Variants in DSCAML1 observed in about 807,000 individuals in gnomAD.
DSCAML1 encodes the protein DS cell adhesion molecule like 1.
DSCAML1 carries 38 observed loss-of-function variants against 200.5 expected under a neutral mutation model. That is an observed-to-expected ratio of 0.19 (90% CI 0.15 to 0.25). The LOEUF (loss-of-function observed/expected upper bound fraction) is 0.25, where lower values mean the gene tolerates loss of function less well. Ranked by LOEUF, DSCAML1 falls within the 10% of genes least tolerant of loss-of-function variation. The probability of loss-of-function intolerance (pLI) is 1.00; values close to 1 mark genes in which losing one functional copy is unlikely to be tolerated. For missense variants in DSCAML1, 2,223 were observed against 2,858.8 expected (o/e 0.78, Z 5.07); for synonymous variants, 1,215 against 1,165.0 (o/e 1.04, Z -0.87).
intron 3 of DSCAML1, among the ~76,000 whole-genome samples, chr11:117,755,044 G>C (rs145334371): frequency 2.6e-4 from 39 of 152,244 alleles, no homozygotes; most frequent in African/African-American, 7.2e-4. Flanking sequence ...TGTTCTGCTT[G>C]TGCTGAGAGG....
At chr11:117,804,483 A>G (rs2134086191) in intron 1 of DSCAML1, among the ~76,000 whole-genome samples, 1 of 152,322 alleles carries the variant, frequency 6.6e-6, no homozygotes, top group East Asian at 1.9e-4. Flanking sequence ...AGATGTGCCC[A>G]ATCTGGACAA....
rs1459022861 is a variant in DSCAML1 at position 117,437,631 on chromosome 11, C to T, written c.4433-222G>A. ...AAGGGCAGGGCCTGGAGAGGGGCCT[C>T]AGTAGAGGAGGAAGGGAGCTGGGAA... On this transcript the variant is annotated intron_variant, in intron 25 of 32. Coordinates refer to ENST00000651296, the MANE Select transcript of DSCAML1 (RefSeq NM_020693.4). This position sits in a 1 kb window ranked among gnomAD's most constrained non-coding sequence, Gnocchi z 5.3. Among the ~76,000 whole-genome samples, 1 of 152,072 alleles carries T rather than the reference C, an allele frequency of 6.6e-6. No individual in the cohort carries two copies. Among genetic ancestry groups the T allele is most frequent in the Admixed American group, 6.5e-5 (1 of 15,278 alleles).
rs2049439386 is a variant in DSCAML1, at chr11:117,503,712, C to G, written c.2359+133G>C. ...CCATCCAAGGGTCCCAAGGCCACCT[C>G]TCACTAGGAAGCCTTCCTGCCTCCC... On this transcript the variant is annotated intron_variant, in intron 11 of 32. Transcript: ENST00000651296. This position sits in a 1 kb window ranked among gnomAD's most constrained non-coding sequence, Gnocchi z 5.2. 9.2e-7 allele frequency: 1 copy of G among 1,082,304 alleles called. No individual in the cohort carries two copies. The highest frequency in any genetic ancestry group is 1.3e-6 in the Non-Finnish European group (1 of 770,480). 67.0% of individuals were successfully genotyped at this position (1,082,304 alleles called of 1,614,324 possible). A position where few individuals can be genotyped will look rare whatever the true frequency, so the allele number is the denominator to read the frequency against.
At chr11:117,690,731 A>G (rs1169236049) in intron 3 of DSCAML1, among the ~76,000 whole-genome samples, 1 of 152,202 alleles carries the variant, frequency 6.6e-6, no homozygotes, top group Admixed American at 6.5e-5. Context: ...GGCAGGTCAC[A>G]CTTATTCTTG....
At chr11:117,705,109 T>C (rs965536135) in intron 3 of DSCAML1, among the ~76,000 whole-genome samples, 1 of 152,146 alleles carries the variant, frequency 6.6e-6, no homozygotes, top group Non-Finnish European at 1.5e-5. Flanking sequence ...AATCTAAAAA[T>C]AGTGTGTGCA....
chr11:117,605,252 C>T (rs2051542254), intron 3 of DSCAML1, among the ~76,000 whole-genome samples: 1 of 152,102 alleles, frequency 6.6e-6, no homozygotes, highest in Non-Finnish European at 1.5e-5. Flanking sequence ...TACCCCCACC[C>T]CAAAGCACGG....
intron 4 of DSCAML1, among the ~76,000 whole-genome samples, chr11:117,529,754 G>A (rs1239052855): frequency 6.6e-6 from 1 of 151,740 alleles, no homozygotes; most frequent in African/African-American, 2.4e-5. Flanking sequence ...GCGGACACTC[G>A]TGCCTGCCTC....
chr11:117,440,920 CAAAAAAAAAAAAAAAAA>C (rs1170541792), intron 21 of DSCAML1, among the ~76,000 whole-genome samples: 1 of 41,094 alleles, frequency 2.4e-5, no homozygotes, highest in Non-Finnish European at 4.6e-5. Flanking sequence ...GACTCTGTCT[CAAAAAAAAAAAAAAAAA>C]AAAAAAAAAA....
chr11:117,491,643 G>A (rs1436098456), intron 11 of DSCAML1, among the ~76,000 whole-genome samples: 4 of 152,158 alleles, frequency 2.6e-5, no homozygotes, highest in Non-Finnish European at 4.4e-5. Context: ...GCATGGTGGC[G>A]TGTGCCTGGA....
At chr11:117,453,766 A>G (rs1343752545) in intron 19 of DSCAML1, among the ~76,000 whole-genome samples, 1 of 112,956 alleles carries the variant, frequency 8.9e-6, no homozygotes, top group African/African-American at 3.8e-5. Context: ...TTTTTTTGAG[A>G]TAGAGTCTCG....
intron 3 of DSCAML1, among the ~76,000 whole-genome samples, chr11:117,631,831 G>A (rs887131840): frequency 6.6e-6 from 1 of 152,216 alleles, no homozygotes; most frequent in Admixed American, 6.5e-5. Flanking sequence ...ACAGAGGCTG[G>A]TGACCTGGTG....
chr11:117,473,945 G>A (rs1019980193), intron 14 of DSCAML1, among the ~76,000 whole-genome samples: 5 of 152,104 alleles, frequency 3.3e-5, no homozygotes, highest in African/African-American at 1.2e-4. Context: ...GGCATCCTGG[G>A]AGCTGGCGCC....
intron 3 of DSCAML1, among the ~76,000 whole-genome samples, chr11:117,580,050 C>A (rs1421201628): frequency 2.0e-5 from 3 of 152,148 alleles, no homozygotes; most frequent in Non-Finnish European, 4.4e-5. Context: ...TTATGCCTTA[C>A]CCATCTTCAA....
At chr11:117,689,455 T>C (rs528474557) in intron 3 of DSCAML1, among the ~76,000 whole-genome samples, 3 of 152,300 alleles carry the variant, frequency 2.0e-5, no homozygotes, top group Admixed American at 6.5e-5. Flanking sequence ...TAGTAATACA[T>C]AGCAAGAAAG....
chr11:117,794,070 T>C (rs2055528744), intron 1 of DSCAML1, among the ~76,000 whole-genome samples: 1 of 135,752 alleles, frequency 7.4e-6, no homozygotes, highest in South Asian at 2.7e-4. Context: ...CTGAACAGAA[T>C]GTTGGAGATT....
chr11:117,812,140 C>T (rs375100270), intron 1 of DSCAML1, among the ~76,000 whole-genome samples: 21 of 152,278 alleles, frequency 1.4e-4, no homozygotes, highest in East Asian at 5.8e-4. Flanking sequence ...TTTGCGTCCT[C>T]CTCTTGTATT....
intron 1 of DSCAML1, among the ~76,000 whole-genome samples, chr11:117,790,707 A>G (rs879926338): frequency 5.3e-5 from 8 of 152,228 alleles, no homozygotes; most frequent in Non-Finnish European, 7.3e-5. Context: ...GCACATATAC[A>G]GTAACAACTG....
intron 1 of DSCAML1, among the ~76,000 whole-genome samples, chr11:117,814,075 C>T (rs1042525023): frequency 6.6e-6 from 1 of 152,108 alleles, no homozygotes; most frequent in Non-Finnish European, 1.5e-5. Context: ...AGTGATTAAC[C>T]CTGTGAATTT....
chr11:117,519,541 C>T (rs1476330059), intron 6 of DSCAML1, among the ~76,000 whole-genome samples: 1 of 152,144 alleles, frequency 6.6e-6, no homozygotes, highest in African/African-American at 2.4e-5. Context: ...AAAAGTAGGC[C>T]AGCCACGGTT....
Sources: gnomAD v4.1 joint callset for allele counts (sites outside exome capture counted in the v4.1 genomes callset) on GRCh38, gnomAD v4.1.1 for gene constraint, Gnocchi (gnomAD v3.1) non-coding constraint, MANE v1.5 for transcripts, NCBI Gene and HGNC (gene_info 2026-07-23, HGNC 2026-07-21) for gene names.